The following GALNT14 variants were observed in gnomAD, a reference collection of about 807,000 sequenced individuals.
The protein encoded by GALNT14 is UDP-GalNAc:polypeptide N-acetylgalactosaminyltransferase 14.
Under a neutral mutation model 77.5 loss-of-function variants are expected in GALNT14, and 60 were observed. The ratio of observed to expected loss-of-function variants is 0.77; its 90% CI spans 0.63 to 0.96. GALNT14 has a LOEUF of 0.96. Ranked by LOEUF, GALNT14 falls within the 40% of genes least tolerant of loss-of-function variation. The pLI, the probability that GALNT14 is intolerant of heterozygous loss-of-function variation, is 0.00. For synonymous variants in GALNT14, 280 were observed against 281.7 expected, an observed-to-expected ratio of 0.99 and a Z score of 0.06; for missense variants, 710 against 731.0, an observed-to-expected ratio of 0.97 and a Z score of 0.33.
At chr2:31,107,864 C>A (rs576263322) in intron 1 of GALNT14, among the ~76,000 whole-genome samples, 12 of 152,258 alleles carry the variant, frequency 7.9e-5, no homozygotes, top group African/African-American at 2.4e-4. Flanking sequence ...TCTCCTTTAA[C>A]TTTCCCCTAA....
intron 1 of GALNT14, among the ~76,000 whole-genome samples, chr2:31,054,335 C>T (rs903072630): frequency 2.0e-5 from 3 of 152,190 alleles, no homozygotes; most frequent in African/African-American, 7.2e-5. Context: ...TGCTACCTGT[C>T]ATTCCAGTCT....
chr2:30,896,851 A>G, the GALNT14 span, among the ~76,000 whole-genome samples: 1 of 151,508 alleles, frequency 6.6e-6, no homozygotes, highest in Non-Finnish European at 1.5e-5. Flanking sequence ...TTGGAAAAAT[A>G]GCCATTGTCT....
Position 30,993,007 on chromosome 2 carries a change from G to A in GALNT14, c.130C>T (p.Pro44Ser), listed in dbSNP as rs186635790. Residue 44 changes from proline (P) to serine (S), a missense_variant and splice_region_variant, in exon 2 of 15, where the codon CCT becomes TCT. Coordinates refer to ENST00000349752, the MANE Select transcript of GALNT14 (RefSeq NM_024572.4). Reference sequence around the variant, plus strand: ...AGGTCGTCCCAGTCAGCGTCCGAAGGCTGCGTGACACGAATGGGAAGTCTG... The same window carrying A: ...AGGTCGTCCCAGTCAGCGTCCGAAGACTGCGTGACACGAATGGGAAGTCTG... ...PTGPEVQTPK[P>S]SDADWDDLWD... The A allele has an allele frequency of 6.2e-7, 1 of 1,613,812 alleles. No homozygotes were observed. The highest frequency in any genetic ancestry group is 8.5e-7 in the Non-Finnish European group (1 of 1,179,974).
rs1251481697 is a variant in GALNT14, at chr2:30,945,790, G to C, written c.735C>G (p.Leu245=). Residue 245 remains leucine (L), a synonymous_variant, in exon 7 of 15, where the codon CTC becomes CTG. Transcript: ENST00000349752. Reference sequence around the variant, plus strand: ...GGTGTTAGCCCAACTCACCCCCTCTGAGCTCCGAGGCAGACTCGATGTAGG... The same window carrying C: ...GGTGTTAGCCCAACTCACCCCCTCTCAGCTCCGAGGCAGACTCGATGTAGG... ...TFTYIESASE[L]RGGFDWSLHF... 10 of 1,614,080 alleles carry C rather than the reference G, an allele frequency of 6.2e-6. No individual in the cohort carries two copies. Among genetic ancestry groups the C allele is most frequent in the Non-Finnish European group, 8.5e-6 (10 of 1,179,924 alleles).
intron 1 of GALNT14, among the ~76,000 whole-genome samples, chr2:31,011,636 T>C (rs904646588): frequency 6.6e-6 from 1 of 152,088 alleles, no homozygotes; most frequent in Non-Finnish European, 1.5e-5. Flanking sequence ...AGAGGGCGCC[T>C]CTCTGAAAGA....
At chr2:30,972,815 T>C (rs1198463778) in intron 2 of GALNT14, among the ~76,000 whole-genome samples, 2 of 152,204 alleles carry the variant, frequency 1.3e-5, no homozygotes, top group Admixed American at 6.5e-5. Context: ...AGGGAGGGAC[T>C]GGCTGCTGCT....
chr2:31,044,388 G>A (rs937027045), intron 1 of GALNT14, among the ~76,000 whole-genome samples: 6 of 152,174 alleles, frequency 3.9e-5, no homozygotes, highest in South Asian at 4.1e-4. Context: ...TGGGATTCTC[G>A]ATTATTATCA....
At chr2:30,969,200 G>T (rs1295644932) in intron 2 of GALNT14, among the ~76,000 whole-genome samples, 1 of 152,232 alleles carries the variant, frequency 6.6e-6, no homozygotes, top group Non-Finnish European at 1.5e-5. Flanking sequence ...CAAGCAGAGT[G>T]ACTCAGCAGC....
intron 1 of GALNT14, among the ~76,000 whole-genome samples, chr2:31,009,772 G>A (rs11893539): frequency 2.0e-5 from 3 of 151,878 alleles, no homozygotes; most frequent in Admixed American, 6.6e-5. Flanking sequence ...AGTTACCCTC[G>A]ACAATTCCTT....
chr2:30,917,865 C>G (rs980312091), intron 13 of GALNT14, among the ~76,000 whole-genome samples: 1 of 152,198 alleles, frequency 6.6e-6, no homozygotes, highest in Admixed American at 6.5e-5. Flanking sequence ...CTGGGTACCT[C>G]CACGGTCCCT....
intron 1 of GALNT14, among the ~76,000 whole-genome samples, chr2:31,038,084 ATTTT>A (rs1196402402): frequency 0.044 from 2,295 of 52,388 alleles, 94 homozygotes; most frequent in Non-Finnish European, 0.056. Flanking sequence ...ATATATATAT[ATTTT>A]TTTTTTTTTT....
rs192855407 is a variant in GALNT14, at chr2:31,104,703, C to G, written c.129+33255G>C. Among the ~76,000 whole-genome samples, 474 of 152,302 alleles carry G rather than the reference C, an allele frequency of 3.1e-3. 3 individuals are homozygous for G. The highest frequency in any genetic ancestry group is 5.5e-3 in the Non-Finnish European group (373 of 68,026). ...AGTACAGACCTTTCCTTCTGTAGAG[C>G]CTGTGTCCATCTGATGTTTCCTCAC... On this transcript the variant is annotated intron_variant, in intron 1 of 14. Coordinates refer to ENST00000349752, the MANE Select transcript of GALNT14 (RefSeq NM_024572.4).
chr2:31,071,286 G>A (rs551658248), intron 1 of GALNT14, among the ~76,000 whole-genome samples: 1 of 152,194 alleles, frequency 6.6e-6, no homozygotes, highest in Non-Finnish European at 1.5e-5. Flanking sequence ...TAGAACCAGG[G>A]TCAACCAAAC....
chr2:30,958,569 C>T, intron 3 of GALNT14, 105 bp from the exon 4 acceptor site: 1 of 853,384 alleles, frequency 1.2e-6, no homozygotes, highest in South Asian at 1.5e-5. Context: ...AATGAAAAAT[C>T]AGAGCACCAA....
At chr2:31,127,819 C>G (rs574356944) in intron 1 of GALNT14, among the ~76,000 whole-genome samples, 6 of 152,262 alleles carry the variant, frequency 3.9e-5, no homozygotes, top group African/African-American at 1.4e-4. Context: ...GAGAGTTGAT[C>G]TGAGCAAACG....
At position 30,958,384 on chromosome 2, in the gene GALNT14, C is replaced by G. The variant is rs1667489341; in HGVS notation, c.466+13G>C. 1 of 1,610,822 alleles carries G rather than the reference C, an allele frequency of 6.2e-7. No homozygotes were observed. The highest frequency in any genetic ancestry group is 8.5e-7 in the Non-Finnish European group (1 of 1,177,176). ...CATTCGTGTCTAAAGAGCAAGTGAG[C>G]AACATGACTTACGGTCATTGCTGAA... On this transcript the variant is annotated intron_variant, in intron 4 of 14. Transcript: ENST00000349752.
chr2:31,133,513 T>G (rs765485504), intron 1 of GALNT14, among the ~76,000 whole-genome samples: 1 of 152,224 alleles, frequency 6.6e-6, no homozygotes, highest in Non-Finnish European at 1.5e-5. Flanking sequence ...TACACTTACA[T>G]GGGCCAGAGG....
In GALNT14 at chr2:31,138,123, C is replaced by T. The variant is rs780391056; in HGVS notation, c.-37G>A. ...CCGCTTCCTCTCCGCGGCGCTACGT[C>T]CCGGGGGCACCCCCCGGCGGTCAGG... On this transcript the variant is annotated 5_prime_UTR_variant, in exon 1 of 15. Coordinates refer to ENST00000349752, the MANE Select transcript of GALNT14 (RefSeq NM_024572.4). The T allele has an allele frequency of 3.1e-6, 5 of 1,612,756 alleles. No individual in the cohort carries two copies. Among genetic ancestry groups the T allele is most frequent in the Admixed American group, 1.7e-5 (1 of 59,954 alleles).
intron 1 of GALNT14, among the ~76,000 whole-genome samples, chr2:31,002,369 G>A (rs914091269): frequency 6.6e-6 from 1 of 151,952 alleles, no homozygotes; most frequent in Admixed American, 6.6e-5. Context: ...GGCGGAGGCT[G>A]AAGTGAGCCG....
Sources: gnomAD v4.1 joint callset for allele counts (sites outside exome capture counted in the v4.1 genomes callset) on GRCh38, gnomAD v4.1.1 for gene constraint, MANE v1.5 for transcripts, NCBI Gene and HGNC (gene_info 2026-07-23, HGNC 2026-07-21) for gene names.